LTA4H: variants seen among roughly 807,000 people sequenced by gnomAD.
LTA4H encodes leukotriene A4 hydrolase, also known as leukotriene A-4 hydrolase.
In LTA4H, 59 loss-of-function variants were observed where a neutral mutation model predicts 89.8. The ratio of observed to expected loss-of-function variants is 0.66; its 90% CI spans 0.53 to 0.82. LTA4H has a LOEUF of 0.82. Ranked by LOEUF, LTA4H falls within the 40% of genes least tolerant of loss-of-function variation. The pLI is 0.00. For missense variants in LTA4H, 617 were observed against 727.0 expected (o/e 0.85, Z 1.74); for synonymous variants, 227 against 253.1 (o/e 0.90, Z 0.98).
In LTA4H at chr12:96,015,638, CCAAA is replaced by C. The variant is rs746470134; in HGVS notation, c.1000_1003del (p.Phe334ValfsTer20). The C allele has an allele frequency of 1.1e-5, 18 of 1,614,016 alleles. No homozygotes were observed. The highest frequency in any genetic ancestry group is 4.5e-5 in the East Asian group (2 of 44,886). ...AGCATTAAAATGTCTGAACTTTTCA[CCAAA>C]CAATCGTCCGCAAATGTGGCGTTCC... On this transcript the variant is annotated frameshift_variant, in exon 11 of 19. Transcript: ENST00000228740. LOFTEE classifies it high-confidence loss of function.
chr12:96,035,225 C>T lies in LTA4H; in HGVS notation c.159+136G>A, dbSNP rs1026154773. 4 of 857,874 alleles carry T rather than the reference C, an allele frequency of 4.7e-6. No homozygotes were observed. In the Admixed American group the frequency reaches 8.4e-5, roughly 18 times the overall value. 53.1% of individuals were successfully genotyped at this position (857,874 alleles called of 1,614,324 possible). A position where few individuals can be genotyped will look rare whatever the true frequency, so the allele number is the denominator to read the frequency against. ...CACAACATGAGTTGGATGGAGGCTA[C>T]AGAAGAGCAGACGGGGACGTGGGGC... On this transcript the variant is annotated intron_variant, in intron 1 of 18. Coordinates refer to ENST00000228740, the MANE Select transcript of LTA4H (RefSeq NM_000895.3).
chr12:96,024,508 G>C lies in LTA4H; in HGVS notation c.451C>G (p.Pro151Ala), dbSNP rs1592892144. Reference protein sequence around the residue: ...CRAILPCQDTPSVKLTYTAEV... With the variant: ...CRAILPCQDTASVKLTYTAEV... Reference sequence around the variant, plus strand: ...GCAGTATAGGTTAATTTCACAGAAGGAGTGTCCTGACAAGGAAGGATTGCT... The same window carrying C: ...GCAGTATAGGTTAATTTCACAGAAGCAGTGTCCTGACAAGGAAGGATTGCT... The change falls in exon 4 of 19, where the codon CCT (proline) becomes GCT (alanine). Residue 151 changes from proline to alanine, a missense_variant. Transcript: ENST00000228740. 1 of 1,611,616 alleles carries C rather than the reference G, an allele frequency of 6.2e-7. No homozygotes were observed. The highest frequency in any genetic ancestry group is 8.5e-7 in the Non-Finnish European group (1 of 1,177,994).
At chr12:96,042,099 G>A (rs1203888163) in intron 1 of LTA4H, among the ~76,000 whole-genome samples, 1 of 145,166 alleles carries the variant, frequency 6.9e-6, no homozygotes, top group Non-Finnish European at 1.5e-5. Context: ...TCCTCCACCT[G>A]AGCCTTCTGA....
chr12:96,024,439 T>C, intron 4 of LTA4H, 40 bp downstream of exon 4: 1 of 1,112,602 alleles, frequency 9.0e-7, no homozygotes, highest in Non-Finnish European at 1.4e-6. Flanking sequence ...TATTTACTGA[T>C]ATGCATCATT....
intron 6 of LTA4H, 151 bp downstream of exon 6, chr12:96,020,934 G>T: frequency 1.3e-5 from 8 of 609,784 alleles, no homozygotes; most frequent in Admixed American, 3.7e-5. Flanking sequence ...AAATTAATTT[G>T]TTGCCTACAT....
In LTA4H at chr12:96,030,487, T is replaced by C. The variant is rs143707523; in HGVS notation, c.160-1302A>G. Among the ~76,000 whole-genome samples, 778 of 152,322 alleles carry C rather than the reference T, an allele frequency of 5.1e-3. 4 individuals are homozygous for C. The highest frequency in any genetic ancestry group is 0.018 in the African/African-American group (750 of 41,566). ...GCTTCTAAAAATTCCAAAAATGATT[T>C]TTATACTCCCTGAATCAGATTTCTC... On this transcript the variant is annotated intron_variant, in intron 1 of 18. Coordinates refer to ENST00000228740, the MANE Select transcript of LTA4H (RefSeq NM_000895.3).
Position 96,017,048 on chromosome 12 carries a change from A to G in LTA4H, c.943T>C (p.Phe315Leu). ...NLVTNKTWDHFWLNEGHTVYL... is the reference protein window; with the variant it reads ...NLVTNKTWDHLWLNEGHTVYL... ...AAATAATAACAAAAATCTTACCAAA[A>G]GTGATCCCAAGTTTTGTTGGTCACT... The change falls in exon 10 of 19, where the codon TTT becomes CTT. Residue 315 changes from phenylalanine to leucine, a missense_variant. Phe to Leu is a conservative substitution (Grantham distance 22). Coordinates refer to ENST00000228740, the MANE Select transcript of LTA4H (RefSeq NM_000895.3). 6.2e-7 allele frequency: 1 copy of G among 1,608,714 alleles called. No homozygotes were observed. The highest frequency in any genetic ancestry group is 1.3e-5 in the African/African-American group (1 of 74,932).
chr12:96,009,145 A>G lies in LTA4H; in HGVS notation c.1383T>C (p.Tyr461=). 4.4e-6 allele frequency: 7 copies of G among 1,599,980 alleles called. No homozygotes were observed. The highest frequency in any genetic ancestry group is 6.0e-6 in the Non-Finnish European group (7 of 1,168,490). The change falls in exon 15 of 19, where the codon TAT becomes TAC. Residue 461 remains tyrosine (Y), a synonymous_variant. Transcript: ENST00000228740. ...TACAAGCATTTGTCAGAGTCATATC[A>G]TAACTGCAAAGATAAAGATTACATT... ...SPGLPPIKPN[Y]DMTLTNACIA... is the part of the protein sequence containing the mutation.
In LTA4H at chr12:96,014,940, T is replaced by G; in HGVS notation, c.1119A>C (p.Ile373=). Residue 373 remains isoleucine (I), a synonymous_variant, in exon 12 of 19, where the codon ATA becomes ATC. Transcript: ENST00000228740. Reference sequence around the variant, plus strand: ...CTGAAGAATAAGCTACATCAGGGTCTATATCTGTCAGATCAACCACAAGTT... The same window carrying G: ...CTGAAGAATAAGCTACATCAGGGTCGATATCTGTCAGATCAACCACAAGTT... ...FTKLVVDLTD[I]DPDVAYSSVP... 1.2e-6 allele frequency: 2 copies of G among 1,613,698 alleles called. No homozygotes were observed. Among genetic ancestry groups the G allele is most frequent in the Non-Finnish European group, 1.7e-6 (2 of 1,179,806 alleles).
intron 14 of LTA4H, 194 bp from the exon 15 acceptor site, chr12:96,009,342 G>A (rs1950259026): frequency 1.8e-6 from 1 of 552,976 alleles, no homozygotes; most frequent in South Asian, 2.3e-5. Flanking sequence ...AAACCCAAAT[G>A]GATACCACAT....
At chr12:96,026,889 T>C (rs192302545) in intron 3 of LTA4H, among the ~76,000 whole-genome samples, 1 of 152,336 alleles carries the variant, frequency 6.6e-6, no homozygotes, top group East Asian at 1.9e-4. Context: ...CTCTTTACCC[T>C]TAGTTTTAAA....
chr12:96,039,521 T>C (rs768455498), upstream of LTA4H, among the ~76,000 whole-genome samples: 1 of 152,218 alleles, frequency 6.6e-6, no homozygotes, highest in Non-Finnish European at 1.5e-5. Flanking sequence ...GGGCATTTGT[T>C]ACATGTTAGC....
At chr12:96,007,515 C>G (rs1366073223) in intron 15 of LTA4H, among the ~76,000 whole-genome samples, 1 of 152,112 alleles carries the variant, frequency 6.6e-6, no homozygotes, top group Non-Finnish European at 1.5e-5. Flanking sequence ...AGTGGTGGGT[C>G]ACACAATTGT....
intron 1 of LTA4H, among the ~76,000 whole-genome samples, chr12:96,032,374 A>G (rs1255104891): frequency 6.6e-6 from 1 of 152,220 alleles, no homozygotes; most frequent in Non-Finnish European, 1.5e-5. Context: ...TCTGAAATAC[A>G]GCTGGCACTA....
At chr12:96,002,404 G>A (rs1295031337) in intron 18 of LTA4H, among the ~76,000 whole-genome samples, 1 of 152,040 alleles carries the variant, frequency 6.6e-6, no homozygotes, top group Non-Finnish European at 1.5e-5. Flanking sequence ...GCAAACAAAA[G>A]TAATCATGGA....
intron 4 of LTA4H, among the ~76,000 whole-genome samples, chr12:96,024,084 C>A (rs1457678908): frequency 6.6e-6 from 1 of 152,004 alleles, no homozygotes; most frequent in Non-Finnish European, 1.5e-5. Flanking sequence ...TGCCCGCCAC[C>A]ATGCCCGGCT....
At chr12:96,023,205 C>T (rs1453339235) in intron 4 of LTA4H, among the ~76,000 whole-genome samples, 2 of 152,164 alleles carry the variant, frequency 1.3e-5, no homozygotes, top group African/African-American at 2.4e-5. Flanking sequence ...GTGACTGAGG[C>T]AGGCACAGAA....
intron 5 of LTA4H, among the ~76,000 whole-genome samples, chr12:96,021,666 A>AACACAC (rs60322768): frequency 6.8e-5 from 10 of 147,246 alleles, no homozygotes; most frequent in South Asian, 2.2e-4. Flanking sequence ...CAATTAAGAA[A>AACACAC]ACACACACAC....
chr12:96,006,274 C>T, intron 16 of LTA4H, 40 bp downstream of exon 16: 1 of 1,293,332 alleles, frequency 7.7e-7, no homozygotes, highest in South Asian at 1.3e-5. Flanking sequence ...CTGTGCCTTT[C>T]TGTCCATTTT....
Sources: allele counts gnomAD v4.1 joint callset (sites outside exome capture counted in the v4.1 genomes callset), GRCh38; gene constraint gnomAD v4.1.1; transcripts MANE v1.5; gene names NCBI Gene and HGNC (gene_info 2026-07-23, HGNC 2026-07-21).